AP2A2: variants seen among roughly 807,000 people sequenced by gnomAD.
AP2A2 encodes AP-2 complex subunit alpha-2.
In AP2A2, 32 loss-of-function variants were observed where a neutral mutation model predicts 104.2. The ratio of observed to expected loss-of-function variants is 0.31; its 90% CI spans 0.23 to 0.41. The LOEUF (loss-of-function observed/expected upper bound fraction) is 0.41. Among genes scored for constraint, AP2A2 ranks in the 10% least tolerant of loss-of-function variants. The pLI, the probability that AP2A2 is intolerant of heterozygous loss-of-function variation, is 1.00. For synonymous variants in AP2A2, 539 were observed against 533.3 expected, an observed-to-expected ratio of 1.01 and a Z score of -0.15; for missense variants, 912 against 1,261.0, an observed-to-expected ratio of 0.72 and a Z score of 4.19.
At position 1,008,046 on chromosome 11, in the gene AP2A2, C is replaced by T. The variant is rs554369040; in HGVS notation, c.2331C>T (p.Thr777=). The T allele has an allele frequency of 1.3e-5, 21 of 1,573,490 alleles. No homozygotes were observed. The highest frequency in any genetic ancestry group is 9.4e-5 in the African/African-American group (7 of 74,096). Residue 777 remains threonine, a synonymous_variant, in exon 18 of 22, where the codon ACC becomes ACT. Transcript: ENST00000448903. ...TGCAGACCAAGCCCGTGGACCCGAC[C>T]GTGGAGGGGGGCGCGCAGGTGCAGC... ...LNLQTKPVDP[T]VEGGAQVQQV...
chr11:998,484 T>C (rs962019847), intron 14 of AP2A2, among the ~76,000 whole-genome samples: 1 of 152,202 alleles, frequency 6.6e-6, no homozygotes, highest in Non-Finnish European at 1.5e-5. Flanking sequence ...TTTGCATTAA[T>C]GTAAAATGGC....
At chr11:1,005,950 A>AT (rs1856188015) in intron 16 of AP2A2, among the ~76,000 whole-genome samples, 1 of 152,242 alleles carries the variant, frequency 6.6e-6, no homozygotes, top group South Asian at 2.1e-4. Flanking sequence ...TTTTACTGTG[A>AT]TATAAATAAA....
intron 2 of AP2A2, 131 bp from the exon 3 acceptor site, chr11:970,038 C>T: frequency 1.1e-6 from 1 of 926,660 alleles, no homozygotes; most frequent in Non-Finnish European, 1.7e-6. Context: ...ACTGCACCTG[C>T]CTGGGCCCGG....
At chr11:930,520 T>C (rs991066758) in intron 1 of AP2A2, among the ~76,000 whole-genome samples, 2 of 152,102 alleles carry the variant, frequency 1.3e-5, no homozygotes, top group Non-Finnish European at 2.9e-5. Context: ...AGTCCCAGTT[T>C]TAGAATTTTT....
chr11:985,334 A>G (rs1346339806), intron 7 of AP2A2, 101 bp from the exon 8 acceptor site: 9 of 1,412,102 alleles, frequency 6.4e-6, no homozygotes, highest in South Asian at 2.7e-5. Context: ...TGAATGAACT[A>G]TATTAAAAAT....
At position 994,109 on chromosome 11, in the gene AP2A2, G is replaced by A. The variant is rs925884592; in HGVS notation, c.1820G>A (p.Arg607Gln). ...GAGGAGATGCCCCCATTCCCGGAGC[G>A]GGAGTCCTCCATCTTGGCAAAGCTC... ...VLEEMPPFPE[R>Q]ESSILAKLKK... The change falls in exon 14 of 22, where the codon CGG becomes CAG. Residue 607 changes from arginine (R) to glutamine (Q), a missense_variant. Arg to Gln is a conservative substitution (Grantham distance 43). Transcript: ENST00000448903. 5.6e-6 allele frequency: 9 copies of A among 1,613,048 alleles called. No homozygotes were observed. Among genetic ancestry groups the A allele is most frequent in the Admixed American group, 3.3e-5 (2 of 60,024 alleles).
Position 1,010,559 on chromosome 11 carries a change from C to A in AP2A2, c.2754C>A (p.Leu918=). The A allele has an allele frequency of 6.3e-7, 1 of 1,592,722 alleles. No individual in the cohort carries two copies. The highest frequency in any genetic ancestry group is 8.5e-7 in the Non-Finnish European group (1 of 1,169,780). The stretch of plus-strand genomic sequence containing the variant: ...GCTCTCTGTTTCAGATGTACCGGCT[C>A]ACGCTGCGCACAAGTAAGGAAGCCG... ...EPNLQAQMYR[L]TLRTSKEAVS... is the part of the protein sequence containing the mutation. Residue 918 remains leucine (L), a synonymous_variant, in exon 22 of 22, where the codon CTC becomes CTA. Coordinates refer to ENST00000448903, the MANE Select transcript of AP2A2 (RefSeq NM_012305.4).
At chr11:937,033 T>G (rs750348089) in intron 1 of AP2A2, among the ~76,000 whole-genome samples, 6 of 152,060 alleles carry the variant, frequency 3.9e-5, no homozygotes, top group Admixed American at 1.3e-4. Flanking sequence ...TTTATATTTG[T>G]TTATTTATTG....
rs1855473076 is a variant in AP2A2 at position 986,770 on chromosome 11, C to T, written c.963-15C>T. On this transcript the variant is annotated splice_polypyrimidine_tract_variant and intron_variant, in intron 8 of 21. Coordinates refer to ENST00000448903, the MANE Select transcript of AP2A2 (RefSeq NM_012305.4). The stretch of plus-strand genomic sequence containing the variant: ...TGCTGAGGAAACCCCACCCACTTCC[C>T]CTCCCTCCACACAGTGAGCCGAACC... The T allele has an allele frequency of 1.2e-6, 2 of 1,610,896 alleles. No individual in the cohort carries two copies. The highest frequency in any genetic ancestry group is 1.7e-6 in the Non-Finnish European group (2 of 1,178,724).
chr11:954,098 G>A (rs960681373), intron 1 of AP2A2, among the ~76,000 whole-genome samples: 1 of 152,174 alleles, frequency 6.6e-6, no homozygotes, highest in Non-Finnish European at 1.5e-5. Flanking sequence ...GCCTCCCAAA[G>A]TGCAGACGTG....
Position 985,626 on chromosome 11 carries a change from A to G in AP2A2, c.962+44A>G, listed in dbSNP as rs1000760049. On this transcript the variant is annotated intron_variant, in intron 8 of 21. Transcript: ENST00000448903. Reference sequence around the variant, plus strand: ...GAGAGGCTTCGTCTCGCGCACACACACACGTTCCTTCTCGTTGGCACGAGA... The same window carrying G: ...GAGAGGCTTCGTCTCGCGCACACACGCACGTTCCTTCTCGTTGGCACGAGA... 4 of 1,611,880 alleles carry G rather than the reference A, an allele frequency of 2.5e-6. No homozygotes were observed. The South Asian group carries it at 4.4e-5, about 18-fold the overall frequency.
chr11:977,221 C>T lies in AP2A2; in HGVS notation c.600C>T (p.His200=). Reference sequence around the variant, plus strand: ...TGGTGCACCTGCTCAATGACCAGCACTTGGTAAGCACCCTTGGCTTTGGTT... The same window carrying T: ...TGGTGCACCTGCTCAATGACCAGCATTTGGTAAGCACCCTTGGCTTTGGTT... The part of the protein sequence containing the change: ...SRVVHLLNDQ[H]LGVVTAATSL... Residue 200 remains histidine, a synonymous_variant, in exon 5 of 22, where the codon CAC becomes CAT. Coordinates refer to ENST00000448903, the MANE Select transcript of AP2A2 (RefSeq NM_012305.4). The T allele has an allele frequency of 6.3e-7, 1 of 1,596,206 alleles. No homozygotes were observed. Among genetic ancestry groups the T allele is most frequent in the Non-Finnish European group, 8.6e-7 (1 of 1,168,852 alleles).
In AP2A2 at chr11:983,017, C is replaced by CTTTTT. The variant is rs56742889; in HGVS notation, c.706-1611_706-1607dup. On this transcript the variant is annotated intron_variant, in intron 6 of 21. Transcript: ENST00000448903. ...GTGGAACTGTGCATATTTTCTTTTTCTTTTTTTTTTTTTTTTTTTTTGAGT... is the reference window on the plus strand; with the variant it reads ...GTGGAACTGTGCATATTTTCTTTTTCTTTTTTTTTTTTTTTTTTTTTTTTTTGAGT... Among the ~76,000 whole-genome samples, 205 of 82,176 alleles carry CTTTTT rather than the reference C, an allele frequency of 2.5e-3. 1 individual carries two copies. The highest frequency in any genetic ancestry group is 4.9e-3 in the East Asian group (16 of 3,254). The allele number at this position is 82,176 out of a possible 152,430, so 53.9% of individuals were successfully genotyped here. A position where few individuals can be genotyped will look rare whatever the true frequency, so the allele number is the denominator to read the frequency against.
intron 1 of AP2A2, among the ~76,000 whole-genome samples, chr11:938,647 G>T (rs1487715420): frequency 6.6e-6 from 1 of 151,376 alleles, no homozygotes; most frequent in Non-Finnish European, 1.5e-5. Context: ...GCTAATTTTT[G>T]GTATTTTTAG....
chr11:1,009,879 G>C, intron 21 of AP2A2, 62 bp downstream of exon 21: 2 of 1,507,882 alleles, frequency 1.3e-6, no homozygotes, highest in Non-Finnish European at 1.8e-6. Context: ...CACAATGTAC[G>C]TGGTGAGATG....
chr11:1,010,073 T>A, intron 21 of AP2A2: 2 of 518,164 alleles, frequency 3.9e-6, no homozygotes, highest in South Asian at 5.4e-5. Context: ...AATACATGGT[T>A]GCATCCCAGC....
chr11:943,547 A>G (rs986977653), intron 1 of AP2A2, among the ~76,000 whole-genome samples: 2 of 152,198 alleles, frequency 1.3e-5, no homozygotes, highest in Non-Finnish European at 2.9e-5. Context: ...GAAATTGGGA[A>G]TAAGACAATG....
chr11:1,002,251 C>A (rs990701280), intron 15 of AP2A2, among the ~76,000 whole-genome samples: 2 of 152,380 alleles, frequency 1.3e-5, no homozygotes, highest in African/African-American at 4.8e-5. Flanking sequence ...CGTGGAGTGC[C>A]CGCTGGCTGT....
chr11:955,619 G>A (rs1854208678), intron 1 of AP2A2, among the ~76,000 whole-genome samples: 1 of 152,352 alleles, frequency 6.6e-6, no homozygotes. Context: ...ACCTGGGACA[G>A]TGCTTGGGTC....
Sources: allele counts gnomAD v4.1 joint callset (sites outside exome capture counted in the v4.1 genomes callset), GRCh38; gene constraint gnomAD v4.1.1; transcripts MANE v1.5; gene names NCBI Gene and HGNC (gene_info 2026-07-23, HGNC 2026-07-21).